The following CSMD1 variants were observed in gnomAD, a reference collection of about 807,000 sequenced individuals.
CSMD1 encodes CUB and Sushi multiple domains 1, also known as CUB and sushi domain-containing protein 1.
In CSMD1, 213 loss-of-function variants were observed where a neutral mutation model predicts 417.5. The ratio of observed to expected loss-of-function variants is 0.51; its 90% CI spans 0.46 to 0.57. The LOEUF is 0.57. Ranked by LOEUF, CSMD1 falls within the 20% of genes least tolerant of loss-of-function variation. CSMD1 has a pLI of 0.00. For missense variants in CSMD1, 6,923 were observed against 4,529.7 expected (o/e 1.53, Z -15.17); for synonymous variants, 2,862 against 1,736.8 (o/e 1.65, Z -16.11).
Position 4,959,165 on chromosome 8 carries a change from G to C in CSMD1, c.85+35167C>G, listed in dbSNP as rs138067468. On this transcript the variant is annotated intron_variant, in intron 1 of 69. Coordinates refer to ENST00000635120, the MANE Select transcript of CSMD1 (RefSeq NM_033225.6). ...TGGAAAGAAATTGCACATATCACTG[G>C]TTTCTATGACACAGCTTCCAAGTAC... Among the ~76,000 whole-genome samples the C allele has an allele frequency of 1.0e-3, 158 of 152,286 alleles. 3 individuals are homozygous for C. In the East Asian group the frequency reaches 0.014, roughly 13 times the overall value.
intron 10 of CSMD1, among the ~76,000 whole-genome samples, chr8:3,532,498 C>A (rs1253479808): frequency 6.6e-6 from 1 of 152,116 alleles, no homozygotes; most frequent in Non-Finnish European, 1.5e-5. Flanking sequence ...TCCTCCATAT[C>A]CCAACCTTCC....
At chr8:4,588,519 G>C (rs905166564) in intron 2 of CSMD1, among the ~76,000 whole-genome samples, 1 of 151,882 alleles carries the variant, frequency 6.6e-6, no homozygotes, top group African/African-American at 2.4e-5. Context: ...CTCTGGCCGG[G>C]CATGGTGGCA....
chr8:3,080,269 G>C (rs1413666363), intron 49 of CSMD1, among the ~76,000 whole-genome samples: 2 of 152,124 alleles, frequency 1.3e-5, no homozygotes, highest in Non-Finnish European at 2.9e-5. Flanking sequence ...TTCTAATTCA[G>C]GCTTCTCCTC....
rs181686351 is a variant in CSMD1 at position 3,285,454 on chromosome 8, T to C, written c.3951-1108A>G. On this transcript the variant is annotated intron_variant, in intron 25 of 69. Coordinates refer to ENST00000635120, the MANE Select transcript of CSMD1 (RefSeq NM_033225.6). ...TAGGCTGGAGTGCAGTGTCATGATC[T>C]TGGCTCACTGCAACCTCTACTTCCT... is the stretch of plus-strand genomic sequence containing the variant. Among the ~76,000 whole-genome samples, 18 of 152,078 alleles carry C rather than the reference T, an allele frequency of 1.2e-4. 1 individual carries two copies. In the East Asian group the frequency reaches 2.3e-3, roughly 20 times the overall value.
chr8:3,893,876 T>G (rs1807164897), intron 5 of CSMD1, among the ~76,000 whole-genome samples: 1 of 152,120 alleles, frequency 6.6e-6, no homozygotes, highest in South Asian at 2.1e-4. Context: ...CACCCCTGGT[T>G]GGAGATTTAA....
chr8:4,223,746 A>C (rs1197747647), intron 3 of CSMD1, among the ~76,000 whole-genome samples: 4 of 152,228 alleles, frequency 2.6e-5, no homozygotes, highest in Admixed American at 6.5e-5. Context: ...TCAGATTCTC[A>C]GAATATTTCT....
intron 50 of CSMD1, among the ~76,000 whole-genome samples, chr8:3,030,172 G>C (rs1295693583): frequency 1.3e-5 from 2 of 151,992 alleles, no homozygotes; most frequent in East Asian, 1.9e-4. Context: ...AACAGTAGTA[G>C]CAGTAGTAGT....
At chr8:2,946,142 C>T (rs1454779346) in intron 68 of CSMD1, among the ~76,000 whole-genome samples, 1 of 152,134 alleles carries the variant, frequency 6.6e-6, no homozygotes, top group Non-Finnish European at 1.5e-5. Flanking sequence ...GTGGTGTCAC[C>T]AGGTGTTAGG....
chr8:4,540,955 A>G (rs1328383375), intron 2 of CSMD1, among the ~76,000 whole-genome samples: 1 of 152,210 alleles, frequency 6.6e-6, no homozygotes, highest in Non-Finnish European at 1.5e-5. Flanking sequence ...CTTGCATACA[A>G]TAGGGTTAAT....
intron 6 of CSMD1, among the ~76,000 whole-genome samples, chr8:3,720,832 T>TC (rs1229892411): frequency 6.6e-6 from 1 of 152,012 alleles, no homozygotes; most frequent in Non-Finnish European, 1.5e-5. Context: ...ACTTTTTTTT[T>TC]CGAGAGTCTC....
chr8:4,872,970 T>A (rs1031481150), intron 1 of CSMD1, among the ~76,000 whole-genome samples: 1 of 152,118 alleles, frequency 6.6e-6, no homozygotes, highest in African/African-American at 2.4e-5. Flanking sequence ...AAACAAAAAT[T>A]GTATATATTT....
At chr8:4,182,660 A>G (rs1798443622) in intron 3 of CSMD1, among the ~76,000 whole-genome samples, 1 of 152,182 alleles carries the variant, frequency 6.6e-6, no homozygotes, top group African/African-American at 2.4e-5. Context: ...ACCCCTAAAA[A>G]TAGATTCACA....
intron 7 of CSMD1, among the ~76,000 whole-genome samples, chr8:3,705,280 G>A (rs1801100959): frequency 6.6e-6 from 1 of 152,190 alleles, no homozygotes; most frequent in Non-Finnish European, 1.5e-5. Context: ...TCTGCAAAGA[G>A]CTGTGACCTC....
intron 2 of CSMD1, among the ~76,000 whole-genome samples, chr8:4,566,105 T>A (rs1798593461): frequency 6.6e-6 from 1 of 152,112 alleles, no homozygotes; most frequent in African/African-American, 2.4e-5. Flanking sequence ...TCCAGAATTG[T>A]ACTTTCCAGG....
At chr8:4,763,706 T>C (rs920540889) in intron 1 of CSMD1, among the ~76,000 whole-genome samples, 1 of 152,192 alleles carries the variant, frequency 6.6e-6, no homozygotes, top group African/African-American at 2.4e-5. Context: ...AAGTATATTA[T>C]TAAGCAGAAA....
chr8:4,197,109 G>C lies in CSMD1; in HGVS notation c.416-165010C>G, dbSNP rs149364146. Among the ~76,000 whole-genome samples, 5 of 152,282 alleles carry C rather than the reference G, an allele frequency of 3.3e-5. No individual in the cohort carries two copies. In the South Asian group the frequency reaches 8.3e-4, roughly 25 times the overall value. Reference sequence around the variant, plus strand: ...AACATCAAGATGAAGACAATGCAAAGTGTGTCCTCAAGCAGTTCCCAGACA... The same window carrying C: ...AACATCAAGATGAAGACAATGCAAACTGTGTCCTCAAGCAGTTCCCAGACA... On this transcript the variant is annotated intron_variant, in intron 3 of 69. Coordinates refer to ENST00000635120, the MANE Select transcript of CSMD1 (RefSeq NM_033225.6).
At chr8:4,104,672 A>T (rs941209116) in intron 3 of CSMD1, among the ~76,000 whole-genome samples, 2 of 152,144 alleles carry the variant, frequency 1.3e-5, no homozygotes, top group African/African-American at 4.8e-5. Flanking sequence ...CAGACTAGTA[A>T]AACAGCACAG....
At chr8:4,422,990 A>C (rs952735222) in intron 2 of CSMD1, among the ~76,000 whole-genome samples, 4 of 152,084 alleles carry the variant, frequency 2.6e-5, no homozygotes, top group African/African-American at 9.6e-5. Context: ...GAACATGAGA[A>C]AAGTTCTCAG....
At chr8:4,688,330 G>A (rs563604579) in intron 1 of CSMD1, among the ~76,000 whole-genome samples, 11 of 152,276 alleles carry the variant, frequency 7.2e-5, no homozygotes, top group Non-Finnish European at 1.5e-4. Flanking sequence ...TGCAGGTCAA[G>A]TCACCAGAAC....
Sources: gnomAD v4.1 joint callset for allele counts (sites outside exome capture counted in the v4.1 genomes callset) on GRCh38, gnomAD v4.1.1 for gene constraint, MANE v1.5 for transcripts, NCBI Gene and HGNC (gene_info 2026-07-23, HGNC 2026-07-21) for gene names.